Variants in SERPINB2 observed in about 807,000 individuals in gnomAD.
The protein encoded by SERPINB2 is serpin family B member 2.
A neutral mutation model predicts 39.4 loss-of-function variants in SERPINB2; 28 were observed. The observed-to-expected ratio is 0.71, with a 90% CI of 0.53 to 0.97. SERPINB2 has a LOEUF of 0.97. Ranked by LOEUF, SERPINB2 falls within the 50% of genes least tolerant of loss-of-function variation. The probability of loss-of-function intolerance (pLI) is 0.00; values close to 1 mark genes in which losing one functional copy is unlikely to be tolerated. For synonymous variants in SERPINB2, 209 were observed against 175.1 expected, an observed-to-expected ratio of 1.19 and a Z score of -1.53; for missense variants, 557 against 505.3, an observed-to-expected ratio of 1.10 and a Z score of -0.98.
rs1254720445 is a variant in SERPINB2 at position 63,903,608 on chromosome 18, G to C, written c.*303G>C. The C allele has an allele frequency of 5.6e-6, 1 of 177,270 alleles. No individual in the cohort carries two copies. 11.0% of individuals were successfully genotyped at this position (177,270 alleles called of 1,614,324 possible). On this transcript the variant is annotated 3_prime_UTR_variant, in exon 8 of 8. Coordinates refer to ENST00000299502, the MANE Select transcript of SERPINB2 (RefSeq NM_002575.3). Reference sequence around the variant, plus strand: ...TATTTATTATTTTATATAATGGTGAGTTTTTAAATTATTGCTCACTGCCTA... The same window carrying C: ...TATTTATTATTTTATATAATGGTGACTTTTTAAATTATTGCTCACTGCCTA...
intron 2 of SERPINB2, among the ~76,000 whole-genome samples, chr18:63,894,740 C>A (rs1038535059): frequency 1.2e-4 from 18 of 152,220 alleles, no homozygotes; most frequent in African/African-American, 4.1e-4. Flanking sequence ...ACATAAATTT[C>A]TCTGTGTATG....
chr18:63,898,069 A>G (rs1349866200), intron 5 of SERPINB2, among the ~76,000 whole-genome samples: 2 of 152,192 alleles, frequency 1.3e-5, no homozygotes, highest in Admixed American at 1.3e-4. Flanking sequence ...TAAATATTTG[A>G]TTTTGGATAT....
At position 63,901,776 on chromosome 18, in the gene SERPINB2, A is replaced by T. The variant is rs371128282; in HGVS notation, c.572A>T (p.Asp191Val). 1.3e-6 allele frequency: 2 copies of T among 1,581,264 alleles called. 1 individual carries two copies. Among genetic ancestry groups the T allele is most frequent in the South Asian group, 2.4e-5 (2 of 83,470 alleles). Residue 191 changes from aspartate (D) to valine (V), a missense_variant, in exon 6 of 8, where the codon GAT becomes GTT. Asp to Val is a radical substitution (Grantham distance 152). Coordinates refer to ENST00000299502, the MANE Select transcript of SERPINB2 (RefSeq NM_002575.3). ...AACTTGTTACCTGAAGGTTCTGTAG[A>T]TGGGGATACCAGGATGGTCCTGGTG... ...IPNLLPEGSVDGDTRMVLVNA... is the reference protein window; with the variant it reads ...IPNLLPEGSVVGDTRMVLVNA...
chr18:63,897,922 G>T (rs1028951960), intron 5 of SERPINB2, 78 bp downstream of exon 5: 3 of 962,792 alleles, frequency 3.1e-6, no homozygotes, highest in Non-Finnish European at 4.9e-6. Flanking sequence ...CATGAACTTA[G>T]TTAGCCCTCA....
At chr18:63,890,551 A>C (rs1555700922) in intron 1 of SERPINB2, 1 of 152,250 alleles carries the variant, frequency 6.6e-6, no homozygotes, top group Non-Finnish European at 1.5e-5. Context: ...GTGAGCATGC[A>C]TTCAGTTGCC....
intron 2 of SERPINB2, among the ~76,000 whole-genome samples, chr18:63,893,109 T>C (rs2049937319): frequency 2.6e-5 from 4 of 152,040 alleles, no homozygotes; most frequent in Middle Eastern, 3.2e-3. Context: ...ATTTTTGTAT[T>C]AGTAGAGATG....
At chr18:63,893,514 A>G (rs748291462) in intron 2 of SERPINB2, among the ~76,000 whole-genome samples, 1 of 149,662 alleles carries the variant, frequency 6.7e-6, no homozygotes, top group Admixed American at 6.6e-5. Context: ...AAATGTTAAT[A>G]TGATTGCTTC....
rs773279148 is a variant in SERPINB2 at position 63,891,470 on chromosome 18, C to G, written c.26C>G (p.Thr9Arg). 1 of 1,614,178 alleles carries G rather than the reference C, an allele frequency of 6.2e-7. No homozygotes were observed. The highest frequency in any genetic ancestry group is 1.1e-5 in the South Asian group (1 of 91,080). Reference sequence around the variant, plus strand: ...ATGGAGGATCTTTGTGTGGCAAACACACTCTTTGCCCTCAATTTATTCAAG... The same window carrying G: ...ATGGAGGATCTTTGTGTGGCAAACAGACTCTTTGCCCTCAATTTATTCAAG... MEDLCVAN[T>R]LFALNLFKHL... The change falls in exon 2 of 8, where the codon ACA becomes AGA. Residue 9 changes from threonine to arginine, a missense_variant. Thr to Arg is a moderately conservative substitution (Grantham distance 71). Coordinates refer to ENST00000299502, the MANE Select transcript of SERPINB2 (RefSeq NM_002575.3).
At chr18:63,899,892 T>C (rs764577555) in intron 5 of SERPINB2, among the ~76,000 whole-genome samples, 4 of 152,232 alleles carry the variant, frequency 2.6e-5, no homozygotes, top group Admixed American at 6.5e-5. Flanking sequence ...TTTGTTTATC[T>C]GAAAATAATT....
At position 63,891,495 on chromosome 18, in the gene SERPINB2, G is replaced by C. The variant is rs759883937; in HGVS notation, c.51G>C (p.Lys17Asn). 2.0e-5 allele frequency: 32 copies of C among 1,613,930 alleles called. No homozygotes were observed. The highest frequency in any genetic ancestry group is 3.3e-5 in the Admixed American group (2 of 60,006). ...ANTLFALNLF[K>N]HLAKASPTQN... ...CACTCTTTGCCCTCAATTTATTCAA[G>C]CATCTGGCAAAAGCAAGCCCCACCC... Residue 17 changes from lysine to asparagine, a missense_variant, in exon 2 of 8, where the codon AAG becomes AAC. By Grantham distance (94) the Lys-to-Asn change is moderately conservative. Transcript: ENST00000299502.
At chr18:63,889,526 T>C (rs1011893080) in intron 1 of SERPINB2, among the ~76,000 whole-genome samples, 2 of 152,210 alleles carry the variant, frequency 1.3e-5, no homozygotes, top group African/African-American at 4.8e-5. Context: ...TCTAAATTTA[T>C]GTTTGTGGCT....
rs2049948282 is a variant in SERPINB2 at position 63,894,789 on chromosome 18, A to G, written c.169-475A>G. Among the ~76,000 whole-genome samples the G allele has an allele frequency of 2.0e-5, 3 of 152,204 alleles. No individual in the cohort carries two copies. The South Asian group carries it at 6.2e-4, about 32-fold the overall frequency. ...TAAATATTTTAGGTGAACCCTGTTA[A>G]TATTGCATGACCTGTTTTATGCCTT... On this transcript the variant is annotated intron_variant, in intron 2 of 7. Transcript: ENST00000299502.
intron 4 of SERPINB2, 29 bp downstream of exon 4, chr18:63,897,248 G>T: frequency 6.2e-7 from 1 of 1,600,392 alleles, no homozygotes; most frequent in Non-Finnish European, 8.5e-7. Flanking sequence ...TGAAATGGCT[G>T]GATCCCAAAC....
At chr18:63,902,619 G>A in intron 7 of SERPINB2, 51 bp downstream of exon 7, 3 of 862,852 alleles carry the variant, frequency 3.5e-6, no homozygotes, top group Non-Finnish European at 4.4e-6. Flanking sequence ...CCTTTCGTGA[G>A]ATGAGATGAA....
At chr18:63,893,086 C>T (rs184158670) in intron 2 of SERPINB2, among the ~76,000 whole-genome samples, 28 of 152,192 alleles carry the variant, frequency 1.8e-4, no homozygotes, top group East Asian at 3.9e-4. Flanking sequence ...GCGCCTGCCA[C>T]GATGCCCATC....
intron 2 of SERPINB2, 93 bp downstream of exon 2, chr18:63,891,705 C>G (rs1419790512): frequency 1.6e-6 from 2 of 1,247,242 alleles, no homozygotes; most frequent in East Asian, 5.1e-5. Flanking sequence ...CATTTTAACT[C>G]AGGAGGTCAG....
In SERPINB2 at chr18:63,903,344, G is replaced by A; in HGVS notation, c.*39G>A. The A allele has an allele frequency of 6.8e-7, 1 of 1,476,534 alleles. No homozygotes were observed. The highest frequency in any genetic ancestry group is 9.0e-7 in the Non-Finnish European group (1 of 1,114,344). The allele number at this position is 1,476,534 out of a possible 1,614,324, so 91.5% of individuals were successfully genotyped here. A position where few individuals can be genotyped will look rare whatever the true frequency, so the allele number is the denominator to read the frequency against. ...GCTTCTGCAAAAGATTTTTGTAGAT[G>A]AGCTGTGTGCCTCAGAATTGCTATT... On this transcript the variant is annotated 3_prime_UTR_variant, in exon 8 of 8. Coordinates refer to ENST00000299502, the MANE Select transcript of SERPINB2 (RefSeq NM_002575.3).
At chr18:63,889,608 T>C (rs2144692999) in intron 1 of SERPINB2, among the ~76,000 whole-genome samples, 1 of 152,280 alleles carries the variant, frequency 6.6e-6, no homozygotes, top group African/African-American at 2.4e-5. Flanking sequence ...ACTCAGTTTG[T>C]TTCCAAAAGA....
chr18:63,902,330 C>T lies in SERPINB2; in HGVS notation c.679-74C>T. 5 of 1,320,270 alleles carry T rather than the reference C, an allele frequency of 3.8e-6. No homozygotes were observed. In the South Asian group the frequency reaches 5.2e-5, roughly 14 times the overall value. 81.8% of individuals were successfully genotyped at this position (1,320,270 alleles called of 1,614,324 possible). A position where few individuals can be genotyped will look rare whatever the true frequency, so the allele number is the denominator to read the frequency against. The stretch of plus-strand genomic sequence containing the variant: ...ATCCTACACTAAAGTAGAACCAATC[C>T]TCCTTTATGTCTAATTGTAAATCTC... On this transcript the variant is annotated intron_variant, in intron 6 of 7. Transcript: ENST00000299502.
Sources: gnomAD v4.1 joint callset for allele counts (sites outside exome capture counted in the v4.1 genomes callset) on GRCh38, gnomAD v4.1.1 for gene constraint, MANE v1.5 for transcripts, NCBI Gene and HGNC (gene_info 2026-07-23, HGNC 2026-07-21) for gene names.